Variants in CDH4 observed in about 807,000 individuals in gnomAD.
CDH4 encodes cadherin 4, also known as cadherin-4.
A neutral mutation model predicts 86.0 loss-of-function variants in CDH4; 33 were observed. The ratio of observed to expected loss-of-function variants is 0.38; its 90% CI spans 0.29 to 0.51. CDH4 has a LOEUF of 0.51. Among genes scored for constraint, CDH4 ranks in the 20% least tolerant of loss-of-function variants. The probability of loss-of-function intolerance (pLI) is 0.86; values close to 1 mark genes in which losing one functional copy is unlikely to be tolerated. For missense variants in CDH4, 1,114 were observed against 1,307.4 expected (o/e 0.85, Z 2.28); for synonymous variants, 555 against 549.4 (o/e 1.01, Z -0.14).
At chr20:61,780,514 G>A (rs1013952129) in intron 4 of CDH4, among the ~76,000 whole-genome samples, 1 of 152,196 alleles carries the variant, frequency 6.6e-6, no homozygotes, top group Non-Finnish European at 1.5e-5. Flanking sequence ...TGAGAATGAC[G>A]GACACGGCCC....
chr20:61,775,620 G>A (rs2088831206), intron 4 of CDH4, among the ~76,000 whole-genome samples: 1 of 152,138 alleles, frequency 6.6e-6, no homozygotes, highest in Admixed American at 6.5e-5. Context: ...TTTGACAACT[G>A]CCAATCAGAC....
At chr20:61,633,807 T>C (rs1408629595) in intron 2 of CDH4, among the ~76,000 whole-genome samples, 2 of 152,188 alleles carry the variant, frequency 1.3e-5, no homozygotes, top group African/African-American at 4.8e-5. Context: ...CTCAGTGATG[T>C]AGCCTGCAGT....
intron 2 of CDH4, among the ~76,000 whole-genome samples, chr20:61,599,265 C>T (rs985323662): frequency 2.6e-5 from 4 of 152,186 alleles, no homozygotes; most frequent in African/African-American, 9.7e-5. Context: ...CCTCTTTCAC[C>T]CGGCTGAGCG....
At chr20:61,436,050 C>G (rs2085279766) in intron 2 of CDH4, among the ~76,000 whole-genome samples, 1 of 152,158 alleles carries the variant, frequency 6.6e-6, no homozygotes, top group South Asian at 2.1e-4. Context: ...GCCTGGAGTG[C>G]CCTTTCCTAA....
At chr20:61,331,528 C>G (rs2084572575) in intron 2 of CDH4, among the ~76,000 whole-genome samples, 1 of 148,694 alleles carries the variant, frequency 6.7e-6, no homozygotes, top group Non-Finnish European at 1.5e-5. Flanking sequence ...TCTGATCTGC[C>G]CACAGCTGAC....
At chr20:61,688,428 G>T (rs1217905082) in intron 2 of CDH4, among the ~76,000 whole-genome samples, 3 of 152,090 alleles carry the variant, frequency 2.0e-5, no homozygotes, top group African/African-American at 7.2e-5. Context: ...TGGAATAGCT[G>T]TCAATCTGAT....
chr20:61,904,187 T>C (rs1480573956), intron 8 of CDH4, among the ~76,000 whole-genome samples: 3 of 152,002 alleles, frequency 2.0e-5, no homozygotes, highest in African/African-American at 4.8e-5. Context: ...CCACCAGGGA[T>C]TGGATGTTAG....
In CDH4 at chr20:61,710,882, C is replaced by T. The variant is rs139605117; in HGVS notation, c.170-32681C>T. On this transcript the variant is annotated intron_variant, in intron 2 of 15. Transcript: ENST00000614565. ...CCCTGCCCTCATGAAGCGCGCCTGC[C>T]GGGGAGAGTGCACCAGATTCCTGTC... Among the ~76,000 whole-genome samples, 347 of 152,332 alleles carry T rather than the reference C, an allele frequency of 2.3e-3. 2 individuals are homozygous for T. Among genetic ancestry groups the T allele is most frequent in the Middle Eastern group, 0.02 (6 of 294 alleles).
chr20:61,752,060 G>A (rs530536968), intron 3 of CDH4, among the ~76,000 whole-genome samples: 13 of 152,288 alleles, frequency 8.5e-5, no homozygotes, highest in South Asian at 2.1e-4. Context: ...TGCCAGGTGC[G>A]GTGGCTCACG....
chr20:61,601,277 G>T (rs2086598412), intron 2 of CDH4, among the ~76,000 whole-genome samples: 1 of 152,122 alleles, frequency 6.6e-6, no homozygotes, highest in Non-Finnish European at 1.5e-5. Context: ...TACTCACTGT[G>T]GTGAGGACAG....
intron 2 of CDH4, among the ~76,000 whole-genome samples, chr20:61,407,694 T>C (rs762573414): frequency 1.4e-4 from 21 of 152,170 alleles, no homozygotes; most frequent in Non-Finnish European, 2.5e-4. Context: ...AGTAGCCCCA[T>C]ACTGGACGCT....
chr20:61,756,314 A>C (rs536325271), intron 3 of CDH4, among the ~76,000 whole-genome samples: 16 of 152,262 alleles, frequency 1.1e-4, no homozygotes, highest in Admixed American at 7.8e-4. Context: ...TGGGACTGTC[A>C]CAGAATGAGA....
chr20:61,284,320 A>G (rs1024725962), intron 2 of CDH4, among the ~76,000 whole-genome samples: 6 of 152,266 alleles, frequency 3.9e-5, no homozygotes, highest in Non-Finnish European at 8.8e-5. Flanking sequence ...TCTCAAAAAA[A>G]AAATCTGCTT....
chr20:61,272,579 T>G (rs1290441635), intron 2 of CDH4, among the ~76,000 whole-genome samples: 1 of 152,220 alleles, frequency 6.6e-6, no homozygotes, highest in Non-Finnish European at 1.5e-5. Flanking sequence ...CATCAATGAA[T>G]GCATTGTTTG....
At chr20:61,460,296 C>G (rs1468749343) in intron 2 of CDH4, among the ~76,000 whole-genome samples, 2 of 152,180 alleles carry the variant, frequency 1.3e-5, no homozygotes, top group Non-Finnish European at 2.9e-5. Flanking sequence ...CTCATCCTGA[C>G]AGCAGAATTT....
intron 2 of CDH4, among the ~76,000 whole-genome samples, chr20:61,678,162 T>A (rs1045964146): frequency 1.3e-5 from 2 of 151,862 alleles, no homozygotes; most frequent in Non-Finnish European, 2.9e-5. Flanking sequence ...AGATGGATGA[T>A]GGATGATGGA....
chr20:61,687,425 TG>T (rs2087596853), intron 2 of CDH4, among the ~76,000 whole-genome samples: 1 of 152,162 alleles, frequency 6.6e-6, no homozygotes, highest in African/African-American at 2.4e-5. Flanking sequence ...AAAATGTGGA[TG>T]GGCGCCCCCG....
chr20:61,619,456 C>A, intron 2 of CDH4, among the ~76,000 whole-genome samples: 2 of 152,242 alleles, frequency 1.3e-5, no homozygotes, highest in South Asian at 4.2e-4. Context: ...CTAAACTATA[C>A]CTAAAAGCAA....
chr20:61,551,461 C>T (rs1050316657), intron 2 of CDH4, among the ~76,000 whole-genome samples: 4 of 152,216 alleles, frequency 2.6e-5, no homozygotes, highest in African/African-American at 9.7e-5. Flanking sequence ...ACCTCCCCAG[C>T]ATCCAAAGCC....
Sources: allele counts gnomAD v4.1 joint callset (sites outside exome capture counted in the v4.1 genomes callset), GRCh38; gene constraint gnomAD v4.1.1; transcripts MANE v1.5; gene names NCBI Gene and HGNC (gene_info 2026-07-23, HGNC 2026-07-21).